Variants in PXK observed in about 807,000 individuals in gnomAD.
The protein encoded by PXK is PX domain-containing protein kinase-like protein.
A neutral mutation model predicts 84.7 loss-of-function variants in PXK; 35 were observed. That is an observed-to-expected ratio of 0.41 (90% CI 0.32 to 0.55). The LOEUF is 0.55. PXK is among the 20% of genes least tolerant of loss of function. The pLI, the probability that PXK is intolerant of heterozygous loss-of-function variation, is 0.21. For synonymous variants in PXK, 253 were observed against 260.8 expected (o/e 0.97, Z 0.29); for missense variants, 634 against 699.7 (o/e 0.91, Z 1.06).
In PXK at chr3:58,407,215, A is replaced by G. The variant is rs1405734196; in HGVS notation, c.1231-1709A>G. Among the ~76,000 whole-genome samples, 1 of 152,156 alleles carries G rather than the reference A, an allele frequency of 6.6e-6. No homozygotes were observed. Among genetic ancestry groups the G allele is most frequent in the Non-Finnish European group, 1.5e-5 (1 of 68,024 alleles). ...CTTCAGTTTCTCCACATTCTCACCA[A>G]CATTTATTTTATTATTTTAATAGTG... On this transcript the variant is annotated intron_variant, in intron 13 of 17. Transcript: ENST00000356151. This position sits in a 1 kb window ranked among gnomAD's most constrained non-coding sequence, Gnocchi z 4.3.
chr3:58,384,939 C>G (rs1301867230), intron 4 of PXK, among the ~76,000 whole-genome samples: 1 of 152,134 alleles, frequency 6.6e-6, no homozygotes, highest in African/African-American at 2.4e-5. Context: ...TGAATGAGTT[C>G]ACCTAAGGCC....
rs1336692577 is a variant in PXK at position 58,333,138 on chromosome 3, G to T, written c.102+48G>T. The T allele has an allele frequency of 5.8e-6, 6 of 1,027,954 alleles. No individual in the cohort carries two copies. Among genetic ancestry groups the T allele is most frequent in the Non-Finnish European group, 7.1e-6 (6 of 850,424 alleles). 63.7% of individuals were successfully genotyped at this position (1,027,954 alleles called of 1,614,324 possible). A position where few individuals can be genotyped will look rare whatever the true frequency, so the allele number is the denominator to read the frequency against. ...GGGCGGCGTGGGGCGGCCCCGGGCC[G>T]CGAGGGGGCTGCGGGCTGCCTGGCG... On this transcript the variant is annotated intron_variant, in intron 1 of 17. Coordinates refer to ENST00000356151, the MANE Select transcript of PXK (RefSeq NM_017771.5). This position sits in a 1 kb window ranked among gnomAD's most constrained non-coding sequence, Gnocchi z 5.4.
At chr3:58,374,444 G>T (rs1003267734) in intron 3 of PXK, among the ~76,000 whole-genome samples, 3 of 152,148 alleles carry the variant, frequency 2.0e-5, no homozygotes, top group African/African-American at 4.8e-5. Flanking sequence ...AAAATGCTGG[G>T]ACTACAGGTG....
At chr3:58,335,152 G>A (rs2097571912) in intron 1 of PXK, among the ~76,000 whole-genome samples, 1 of 152,118 alleles carries the variant, frequency 6.6e-6, no homozygotes, top group South Asian at 2.1e-4. Context: ...CTGGTATACA[G>A]ATGTGAGCCA....
intron 9 of PXK, among the ~76,000 whole-genome samples, chr3:58,396,373 A>G (rs901331482): frequency 1.8e-4 from 27 of 152,184 alleles, no homozygotes; most frequent in African/African-American, 6.3e-4. Context: ...AAAAACAACA[A>G]CTATGAAGAG....
At chr3:58,388,004 G>A (rs897036590) in intron 4 of PXK, among the ~76,000 whole-genome samples, 5 of 152,150 alleles carry the variant, frequency 3.3e-5, no homozygotes, top group African/African-American at 7.2e-5. Context: ...TTGAACACTC[G>A]GTTTATGTTT....
At chr3:58,391,982 A>G in intron 7 of PXK, 135 bp downstream of exon 7, 1 of 740,594 alleles carries the variant, frequency 1.4e-6, no homozygotes, top group East Asian at 2.6e-5. Context: ...GAAATTGTGT[A>G]GGGCTAATCT....
At chr3:58,394,357 C>T (rs575143640) in intron 7 of PXK, among the ~76,000 whole-genome samples, 61 of 152,304 alleles carry the variant, frequency 4.0e-4, no homozygotes, top group African/African-American at 1.5e-3. Context: ...TTCTCCACCC[C>T]AGTTGCTTAA....
intron 1 of PXK, among the ~76,000 whole-genome samples, chr3:58,359,585 G>T (rs1475201772): frequency 6.6e-6 from 1 of 151,406 alleles, no homozygotes; most frequent in Non-Finnish European, 1.5e-5. Context: ...CAATCGATGC[G>T]CAAAGTGATT....
intron 13 of PXK, among the ~76,000 whole-genome samples, chr3:58,408,615 C>T (rs1166279110): frequency 1.3e-5 from 2 of 151,852 alleles, no homozygotes; most frequent in African/African-American, 4.8e-5. Flanking sequence ...CTCCGCCTCC[C>T]GGGTTCACGC....
chr3:58,415,865 C>T (rs1047180160), intron 17 of PXK, among the ~76,000 whole-genome samples: 1 of 152,182 alleles, frequency 6.6e-6, no homozygotes, highest in Admixed American at 6.5e-5. Context: ...TAAATCAGTA[C>T]ACCGAGGTTG....
rs1221411025 is a variant in PXK, at chr3:58,412,227, T to A, written c.1466-674T>A. ...TACTTCATGTCAGCTCAGGAAGATA[T>A]TTTCTAGGGATCGCCAAGTAATGGG... On this transcript the variant is annotated intron_variant, in intron 16 of 17. Transcript: ENST00000356151. This position sits in a 1 kb window ranked among gnomAD's most constrained non-coding sequence, Gnocchi z 6.2. 2.0e-5 allele frequency among the ~76,000 whole-genome samples: 3 copies of A among 152,074 alleles called. No homozygotes were observed. Among genetic ancestry groups the A allele is most frequent in the African/African-American group, 7.2e-5 (3 of 41,386 alleles).
At chr3:58,336,842 C>T (rs1450289051) in intron 1 of PXK, among the ~76,000 whole-genome samples, 1 of 152,050 alleles carries the variant, frequency 6.6e-6, no homozygotes, top group Non-Finnish European at 1.5e-5. Flanking sequence ...GACAGAGTCT[C>T]GCTCTGTCAC....
At chr3:58,373,235 T>C (rs1381664444) in intron 3 of PXK, among the ~76,000 whole-genome samples, 3 of 152,034 alleles carry the variant, frequency 2.0e-5, no homozygotes, top group Non-Finnish European at 2.9e-5. Context: ...CCCGCCACCA[T>C]GCCCGGCTAA....
chr3:58,419,378 G>A (rs1360779216), intron 17 of PXK, among the ~76,000 whole-genome samples: 2 of 152,152 alleles, frequency 1.3e-5, no homozygotes, highest in African/African-American at 4.8e-5. Flanking sequence ...CAGCCTCCCA[G>A]GTAGCTGGGA....
chr3:58,395,107 C>A lies in PXK; in HGVS notation c.720+5C>A, dbSNP rs182401452. 6.3e-7 allele frequency: 1 copy of A among 1,591,032 alleles called. No homozygotes were observed. The highest frequency in any genetic ancestry group is 2.2e-5 in the East Asian group (1 of 44,704). ...TTGAAGGATCTGATCTACAAGGTAC[C>A]TGTGCAAGTTCATGGTCATAAGGAA... On this transcript the variant is annotated splice_donor_5th_base_variant and intron_variant, in intron 8 of 17. Transcript: ENST00000356151.
In PXK at chr3:58,391,231, T is replaced by C. The variant is rs565085933; in HGVS notation, c.540+11T>C. ...CTAGTGTTAAGCTGGGTAAGCTAGC[T>C]TTTTGCTTTGGTCTCCTTCAGTGAC... On this transcript the variant is annotated intron_variant, in intron 6 of 17. Transcript: ENST00000356151. 1.2e-6 allele frequency: 2 copies of C among 1,609,486 alleles called. No homozygotes were observed. The highest frequency in any genetic ancestry group is 2.2e-5 in the East Asian group (1 of 44,824).
chr3:58,392,814 A>AC (rs1341645450), intron 7 of PXK, among the ~76,000 whole-genome samples: 1 of 151,762 alleles, frequency 6.6e-6, no homozygotes, highest in Non-Finnish European at 1.5e-5. Flanking sequence ...GGTGCATGCC[A>AC]CCACACCCAG....
rs1369475154 is a variant in PXK at position 58,407,336 on chromosome 3, G to A, written c.1231-1588G>A. Reference sequence around the variant, plus strand: ...TTGAGTGTCTTTTCATATGTTTTTTGGCCATTTGTATATTTTCTTTAGAGA... The same window carrying A: ...TTGAGTGTCTTTTCATATGTTTTTTAGCCATTTGTATATTTTCTTTAGAGA... On this transcript the variant is annotated intron_variant, in intron 13 of 17. Transcript: ENST00000356151. This position sits in a 1 kb window ranked among gnomAD's most constrained non-coding sequence, Gnocchi z 4.3. 6.6e-6 allele frequency among the ~76,000 whole-genome samples: 1 copy of A among 151,684 alleles called. No individual in the cohort carries two copies. The highest frequency in any genetic ancestry group is 2.4e-5 in the African/African-American group (1 of 41,292).
Sources: allele counts gnomAD v4.1 joint callset (sites outside exome capture counted in the v4.1 genomes callset), GRCh38; gene constraint gnomAD v4.1.1; non-coding constraint Gnocchi (gnomAD v3.1); transcripts MANE v1.5; gene names NCBI Gene and HGNC (gene_info 2026-07-23, HGNC 2026-07-21).